MAP3K13: variants seen among roughly 807,000 people sequenced by gnomAD.
The protein encoded by MAP3K13 is leucine zipper-bearing kinase.
Under a neutral mutation model 104.0 loss-of-function variants are expected in MAP3K13, and 52 were observed. That is an observed-to-expected ratio of 0.50 (90% CI 0.40 to 0.63). MAP3K13 has a LOEUF of 0.63. MAP3K13 is among the 20% of genes least tolerant of loss of function. MAP3K13 has a pLI of 0.00. For missense variants in MAP3K13, 914 were observed against 1,218.5 expected (o/e 0.75, Z 3.72); for synonymous variants, 394 against 442.2 (o/e 0.89, Z 1.37).
chr3:185,433,079 A>T (rs926110639), intron 2 of MAP3K13, among the ~76,000 whole-genome samples: 1 of 152,228 alleles, frequency 6.6e-6, no homozygotes. Context: ...TTTTTAAAAA[A>T]TTTTAATGAT....
chr3:185,329,080 G>T, intron 2 of MAP3K13: 1 of 568,894 alleles, frequency 1.8e-6, no homozygotes, highest in Non-Finnish European at 3.2e-6. Context: ...TTAGGGATTA[G>T]AACTACTGAA....
chr3:185,432,986 A>G (rs1714833340), intron 2 of MAP3K13, among the ~76,000 whole-genome samples: 1 of 152,182 alleles, frequency 6.6e-6, no homozygotes, highest in Admixed American at 6.5e-5. Context: ...CCAATCTTCA[A>G]TCCTGCATTG....
intron 2 of MAP3K13, among the ~76,000 whole-genome samples, chr3:185,344,819 T>A (rs879053724): frequency 6.6e-6 from 1 of 152,136 alleles, no homozygotes; most frequent in Non-Finnish European, 1.5e-5. Context: ...TTTCACCAGG[T>A]GATCTGCCTT....
chr3:185,409,051 G>A (rs898388016), intron 1 of MAP3K13, among the ~76,000 whole-genome samples: 16 of 152,206 alleles, frequency 1.1e-4, no homozygotes, highest in Non-Finnish European at 1.8e-4. Flanking sequence ...GATGATTCAA[G>A]GAGCGTGTGT....
chr3:185,312,388 G>A (rs995627105), intron 2 of MAP3K13, among the ~76,000 whole-genome samples: 5 of 152,216 alleles, frequency 3.3e-5, no homozygotes, highest in African/African-American at 4.8e-5. Flanking sequence ...CAAGGGTCAC[G>A]CAGAGAGATG....
intron 1 of MAP3K13, among the ~76,000 whole-genome samples, chr3:185,409,558 T>A (rs995291268): frequency 6.6e-6 from 1 of 152,126 alleles, no homozygotes; most frequent in Non-Finnish European, 1.5e-5. Context: ...AGTACAGCAC[T>A]ATGGAGAACA....
chr3:185,469,766 T>G (rs913176304), intron 10 of MAP3K13, among the ~76,000 whole-genome samples: 3 of 152,220 alleles, frequency 2.0e-5, no homozygotes, highest in African/African-American at 7.2e-5. Context: ...CCAGACCTAC[T>G]AAATCAAAGT....
chr3:185,291,725 C>A (rs938981452), intron 2 of MAP3K13: 22 of 1,514,366 alleles, frequency 1.5e-5, no homozygotes, highest in Non-Finnish European at 1.8e-5. Flanking sequence ...CAAGTCTCAT[C>A]TGCATTAAAG....
At chr3:185,427,269 CAGG>C (rs1207082722) in intron 1 of MAP3K13, among the ~76,000 whole-genome samples, 2 of 151,266 alleles carry the variant, frequency 1.3e-5, no homozygotes, top group African/African-American at 2.4e-5. Context: ...GAGGCTGTGG[CAGG>C]AGAATTGCTT....
At chr3:185,355,433 C>G (rs919922301) in intron 2 of MAP3K13, among the ~76,000 whole-genome samples, 1 of 149,676 alleles carries the variant, frequency 6.7e-6, no homozygotes, top group African/African-American at 2.5e-5. Flanking sequence ...TGCCACTGCA[C>G]TCCAGCCTGG....
chr3:185,307,600 A>C (rs1224102657), intron 2 of MAP3K13, among the ~76,000 whole-genome samples: 1 of 126,830 alleles, frequency 7.9e-6, no homozygotes, highest in Non-Finnish European at 1.6e-5. Flanking sequence ...CTGTAGTGCA[A>C]TGGTGTGATC....
chr3:185,488,715 C>A lies in MAP3K13; in HGVS notation c.*6259C>A. ...CCAGTGACCAGGTGGACAGGGTCCT[C>A]CAGTGACTGCAGGCCAAGGGAACCC... On this transcript the variant is annotated 3_prime_UTR_variant, in exon 14 of 14. Transcript: ENST00000265026. 1 of 152,376 alleles carries A rather than the reference C, an allele frequency of 6.6e-6. No individual in the cohort carries two copies. Among genetic ancestry groups the A allele is most frequent in the Non-Finnish European group, 1.5e-5 (1 of 68,102 alleles). 9.4% of individuals were successfully genotyped at this position (152,376 alleles called of 1,614,324 possible).
upstream of MAP3K13, among the ~76,000 whole-genome samples, chr3:185,362,456 T>C (rs1435379755): frequency 1.3e-5 from 2 of 152,176 alleles, no homozygotes; most frequent in Non-Finnish European, 2.9e-5. Context: ...AATAAACCAA[T>C]GAGGAAACAC....
chr3:185,367,745 G>A (rs1381503341), intron 1 of MAP3K13, among the ~76,000 whole-genome samples: 1 of 151,990 alleles, frequency 6.6e-6, no homozygotes, highest in Non-Finnish European at 1.5e-5. Context: ...ACAGACACAT[G>A]CCACTATAGC....
chr3:185,296,150 G>T (rs144048506), intron 2 of MAP3K13, among the ~76,000 whole-genome samples: 21 of 152,276 alleles, frequency 1.4e-4, no homozygotes, highest in African/African-American at 3.1e-4. Flanking sequence ...AGGCTGAGGT[G>T]GAAGGATTGC....
At chr3:185,351,420 C>T (rs1384765688) in intron 2 of MAP3K13, among the ~76,000 whole-genome samples, 4 of 152,088 alleles carry the variant, frequency 2.6e-5, no homozygotes, top group Non-Finnish European at 5.9e-5. Flanking sequence ...TTTTCTATGT[C>T]CCAGGATTAC....
intron 1 of MAP3K13, among the ~76,000 whole-genome samples, chr3:185,380,374 G>A (rs1724652807): frequency 6.6e-6 from 1 of 151,686 alleles, no homozygotes; most frequent in Admixed American, 6.6e-5. Context: ...AACTGGGCAT[G>A]GTGTTGCGTG....
chr3:185,445,572 A>C (rs576068537), intron 4 of MAP3K13, among the ~76,000 whole-genome samples: 1 of 152,290 alleles, frequency 6.6e-6, no homozygotes, highest in South Asian at 2.1e-4. Flanking sequence ...TCTTAGAGGG[A>C]AGGAGTCAGG....
chr3:185,313,180 C>T (rs1721551567), intron 2 of MAP3K13, among the ~76,000 whole-genome samples: 2 of 149,376 alleles, frequency 1.3e-5, no homozygotes, highest in Non-Finnish European at 3.0e-5. Flanking sequence ...CAGAGTGAGA[C>T]TCCATCTCAA....
Sources: gnomAD v4.1 joint callset for allele counts (sites outside exome capture counted in the v4.1 genomes callset) on GRCh38, gnomAD v4.1.1 for gene constraint, MANE v1.5 for transcripts, NCBI Gene and HGNC (gene_info 2026-07-23, HGNC 2026-07-21) for gene names.